SLC16A7: variants seen among roughly 807,000 people sequenced by gnomAD.
The protein encoded by SLC16A7 is solute carrier family 16 member 7.
In SLC16A7, 33 loss-of-function variants were observed where a neutral mutation model predicts 34.9. That is an observed-to-expected ratio of 0.94 (90% CI 0.72 to 1.26). The LOEUF is 1.26. Among genes scored for constraint, SLC16A7 ranks in the 50% most tolerant of loss-of-function variants. SLC16A7 has a pLI of 0.00. For missense variants in SLC16A7, 573 were observed against 578.1 expected, an observed-to-expected ratio of 0.99 and a Z score of 0.09; for synonymous variants, 201 against 206.6, an observed-to-expected ratio of 0.97 and a Z score of 0.23.
intron 1 of SLC16A7, among the ~76,000 whole-genome samples, chr12:59,599,852 T>C (rs1185244276): frequency 1.3e-5 from 2 of 152,214 alleles, no homozygotes; most frequent in African/African-American, 4.8e-5. Flanking sequence ...ATATTTTACC[T>C]TGAATTACAA....
At chr12:59,654,611 T>G (rs1868437751) in intron 1 of SLC16A7, among the ~76,000 whole-genome samples, 1 of 151,848 alleles carries the variant, frequency 6.6e-6, no homozygotes, top group South Asian at 2.1e-4. Flanking sequence ...AATTTTTAAT[T>G]AAGACATTAA....
chr12:59,699,820 G>T (rs1054421597), intron 2 of SLC16A7, among the ~76,000 whole-genome samples: 1 of 151,744 alleles, frequency 6.6e-6, no homozygotes, highest in African/African-American at 2.4e-5. Context: ...AATTTGTTAT[G>T]CAACACTTAC....
At position 59,751,374 on chromosome 12, in the gene SLC16A7, C is replaced by T. The variant is rs192818449; in HGVS notation, c.218-19845C>T. Among the ~76,000 whole-genome samples the T allele has an allele frequency of 1.4e-4, 22 of 152,300 alleles. 1 individual carries two copies. The highest frequency in any genetic ancestry group is 1.0e-3 in the Admixed American group (16 of 15,306). The stretch of plus-strand genomic sequence containing the variant: ...GTCAAAGAAAGGTGTGACAGAGGCA[C>T]CTGGAAAATCGGGTCACTCCCACCC... On this transcript the variant is annotated intron_variant, in intron 3 of 5. Coordinates refer to ENST00000547379, the MANE Select transcript of SLC16A7 (RefSeq NM_001270623.2).
intron 1 of SLC16A7, among the ~76,000 whole-genome samples, chr12:59,637,196 G>T (rs1327950966): frequency 1.3e-5 from 2 of 152,044 alleles, no homozygotes; most frequent in Non-Finnish European, 2.9e-5. Flanking sequence ...GAAAGGGAAA[G>T]AAACCAACAT....
chr12:59,607,820 G>A (rs1416017017), intron 1 of SLC16A7, among the ~76,000 whole-genome samples: 1 of 151,912 alleles, frequency 6.6e-6, no homozygotes, highest in Admixed American at 6.6e-5. Context: ...TTCCATTTTT[G>A]TAACAGCATT....
At chr12:59,751,071 G>A (rs183430655) in intron 3 of SLC16A7, among the ~76,000 whole-genome samples, 259 of 152,010 alleles carry the variant, frequency 1.7e-3, no homozygotes, top group African/African-American at 4.8e-3. Flanking sequence ...GGGGGCGGGG[G>A]GCTAGGGGAG....
intron 1 of SLC16A7, among the ~76,000 whole-genome samples, chr12:59,620,556 C>T (rs1445701051): frequency 6.6e-6 from 1 of 151,924 alleles, no homozygotes; most frequent in East Asian, 1.9e-4. Context: ...TCTAGTCACT[C>T]CTGTTCTTGG....
chr12:59,645,074 T>G (rs1177160903), intron 1 of SLC16A7, among the ~76,000 whole-genome samples: 2 of 152,210 alleles, frequency 1.3e-5, no homozygotes. Flanking sequence ...CTCTTATGTC[T>G]TTCTTGTGTA....
rs1453306843 is a variant in SLC16A7, at chr12:59,786,679, T to C, written c.*7000T>C. ...TCTCAACCCTCAGTTTTGATAGGTA[T>C]CCACATTTTTACCATATAAAACTAG... is the stretch of plus-strand genomic sequence containing the variant. On this transcript the variant is annotated 3_prime_UTR_variant, in exon 6 of 6. Transcript: ENST00000547379. The C allele has an allele frequency of 6.6e-6, 1 of 152,136 alleles. No individual in the cohort carries two copies. Among genetic ancestry groups the C allele is most frequent in the African/African-American group, 2.4e-5 (1 of 41,452 alleles). The allele number at this position is 152,136 out of a possible 1,614,324, so 9.4% of individuals were successfully genotyped here.
At chr12:59,754,931 T>C (rs1880113219) in intron 3 of SLC16A7, among the ~76,000 whole-genome samples, 1 of 152,162 alleles carries the variant, frequency 6.6e-6, no homozygotes, top group South Asian at 2.1e-4. Context: ...GCTTCATCCC[T>C]GGGATGCAAG....
Position 59,779,692 on chromosome 12 carries a change from C to A in SLC16A7, c.*13C>A. The stretch of plus-strand genomic sequence containing the variant: ...AACTAACATTTAACAAGAATCACAT[C>A]TCTGATTTCAGTGTTTATGACTTTA... On this transcript the variant is annotated 3_prime_UTR_variant, in exon 6 of 6. Transcript: ENST00000547379. 6.3e-7 allele frequency: 1 copy of A among 1,594,234 alleles called. No individual in the cohort carries two copies. The highest frequency in any genetic ancestry group is 1.7e-5 in the Admixed American group (1 of 57,896).
At chr12:59,761,676 T>C (rs915530673) in intron 3 of SLC16A7, among the ~76,000 whole-genome samples, 1 of 152,122 alleles carries the variant, frequency 6.6e-6, no homozygotes, top group African/African-American at 2.4e-5. Flanking sequence ...CAGTAGCTAT[T>C]TCATGTGAAC....
chr12:59,617,692 T>C (rs2136976569), intron 1 of SLC16A7, among the ~76,000 whole-genome samples: 1 of 152,076 alleles, frequency 6.6e-6, no homozygotes, highest in South Asian at 2.1e-4. Flanking sequence ...GATATAATAA[T>C]AGCAAAATAA....
At chr12:59,720,517 G>A (rs1875451726) in intron 3 of SLC16A7, among the ~76,000 whole-genome samples, 1 of 151,990 alleles carries the variant, frequency 6.6e-6, no homozygotes, top group South Asian at 2.1e-4. Context: ...AAATTTTAGT[G>A]ATTTTTCTAC....
chr12:59,601,149 G>T (rs1878663826), intron 1 of SLC16A7, among the ~76,000 whole-genome samples: 1 of 152,138 alleles, frequency 6.6e-6, no homozygotes, highest in African/African-American at 2.4e-5. Context: ...TTGGTATTTT[G>T]TAGAAAGCAT....
At chr12:59,753,872 C>A (rs1370238300) in intron 3 of SLC16A7, among the ~76,000 whole-genome samples, 1 of 152,108 alleles carries the variant, frequency 6.6e-6, no homozygotes, top group Non-Finnish European at 1.5e-5. Flanking sequence ...CTCTCCTCAG[C>A]AAATGTAAAA....
At chr12:59,675,053 G>A (rs1870194597) in intron 2 of SLC16A7, among the ~76,000 whole-genome samples, 2 of 152,146 alleles carry the variant, frequency 1.3e-5, no homozygotes, top group Admixed American at 6.5e-5. Flanking sequence ...ATAGAACAAG[G>A]CCGTATGCCT....
At chr12:59,733,679 C>G (rs1410461632) in intron 3 of SLC16A7, 2 of 455,652 alleles carry the variant, frequency 4.4e-6, no homozygotes, top group Non-Finnish European at 8.8e-6. Flanking sequence ...TGTTTCAGCC[C>G]TGGTTATGTT....
intron 1 of SLC16A7, among the ~76,000 whole-genome samples, chr12:59,647,524 CAGGTATGTCCTT>C (rs1473922882): frequency 6.6e-6 from 1 of 152,130 alleles, no homozygotes; most frequent in African/African-American, 2.4e-5. Context: ...TATCCTGTCT[CAGGTATGTCCTT>C]ATAGCAACTT....
Sources: allele counts gnomAD v4.1 joint callset (sites outside exome capture counted in the v4.1 genomes callset), GRCh38; gene constraint gnomAD v4.1.1; transcripts MANE v1.5; gene names NCBI Gene and HGNC (gene_info 2026-07-23, HGNC 2026-07-21).